TCF7L2: variants seen among roughly 807,000 people sequenced by gnomAD.
The protein encoded by TCF7L2 is transcription factor 7 like 2, also known as transcription factor 7-like 2.
Under a neutral mutation model 77.9 loss-of-function variants are expected in TCF7L2, and 23 were observed. The ratio of observed to expected loss-of-function variants is 0.30; its 90% CI spans 0.21 to 0.42. TCF7L2 has a LOEUF of 0.42. Among genes scored for constraint, TCF7L2 ranks in the 10% least tolerant of loss-of-function variants. The pLI is 1.00. For synonymous variants in TCF7L2, 413 were observed against 340.2 expected (o/e 1.21, Z -2.36); for missense variants, 654 against 793.1 (o/e 0.82, Z 2.11).
In TCF7L2 at chr10:113,144,088, CTGTGTG is replaced by C. The variant is rs746047660; in HGVS notation, c.788+69_788+74del. The C allele has an allele frequency of 2.0e-4, 257 of 1,261,904 alleles. 1 individual carries two copies. The highest frequency in any genetic ancestry group is 2.6e-4 in the Non-Finnish European group (235 of 899,026). The allele number at this position is 1,261,904 out of a possible 1,614,324, so 78.2% of individuals were successfully genotyped here. The stretch of plus-strand genomic sequence containing the variant: ...TACATGGGCATGTTTATTATTTATT[CTGTGTG>C]TGTGTCTGTGTGTGTGTGTGTGTGT... On this transcript the variant is annotated intron_variant, in intron 7 of 13. Transcript: ENST00000627217.
At chr10:112,969,689 C>T (rs1183876362) in intron 4 of TCF7L2, among the ~76,000 whole-genome samples, 1 of 152,148 alleles carries the variant, frequency 6.6e-6, no homozygotes, top group Middle Eastern at 3.2e-3. Flanking sequence ...TGCCCAAGCT[C>T]CGGTGCAGGC....
chr10:113,022,967 T>A (rs190768334), intron 4 of TCF7L2, among the ~76,000 whole-genome samples: 12 of 152,302 alleles, frequency 7.9e-5, no homozygotes, highest in Non-Finnish European at 1.5e-4. Context: ...TGATGGAACT[T>A]GGATTTGAAC....
At chr10:113,077,087 G>C (rs1168698137) in intron 5 of TCF7L2, among the ~76,000 whole-genome samples, 1 of 152,114 alleles carries the variant, frequency 6.6e-6, no homozygotes, top group Non-Finnish European at 1.5e-5. Flanking sequence ...TAAGACCTGT[G>C]GTCCCCTTCT....
At chr10:113,149,854 C>T (rs2137086985) in intron 8 of TCF7L2, among the ~76,000 whole-genome samples, 1 of 152,324 alleles carries the variant, frequency 6.6e-6, no homozygotes, top group Admixed American at 6.5e-5. Flanking sequence ...CAGGAGGCTG[C>T]CATATTGTTT....
chr10:113,166,823 T>C lies in TCF7L2; in HGVS notation c.*851T>C, dbSNP rs1264991528. On this transcript the variant is annotated 3_prime_UTR_variant, in exon 14 of 14. Coordinates refer to ENST00000627217, the MANE Select transcript of TCF7L2 (RefSeq NM_001146274.2). ...TATATTTTTGTTTCCCCTTTTTGAC[T>C]TTTTTTTTTCTGTATGAAACCCAGA... The C allele has an allele frequency of 1.4e-5, 3 of 215,692 alleles. No homozygotes were observed. The highest frequency in any genetic ancestry group is 6.9e-5 in the African/African-American group (3 of 43,774). The allele number at this position is 215,692 out of a possible 1,614,324, so 13.4% of individuals were successfully genotyped here.
intron 4 of TCF7L2, among the ~76,000 whole-genome samples, chr10:113,016,978 T>A (rs1001331125): frequency 1.3e-5 from 2 of 152,120 alleles, no homozygotes; most frequent in Admixed American, 6.5e-5. Flanking sequence ...GACCACTTCT[T>A]GAGGCTCATG....
chr10:113,142,546 CT>C (rs2068560532), intron 6 of TCF7L2, among the ~76,000 whole-genome samples: 2 of 152,324 alleles, frequency 1.3e-5, no homozygotes, highest in South Asian at 4.1e-4. Context: ...TTGCACATCA[CT>C]TTGTTAGAGG....
At chr10:113,158,214 C>A in intron 12 of TCF7L2, 145 bp downstream of exon 12, 1 of 777,398 alleles carries the variant, frequency 1.3e-6, no homozygotes, top group African/African-American at 1.8e-5. Flanking sequence ...TTTGTTTATG[C>A]ATTTTAATTA....
At chr10:113,089,955 T>C (rs528035986) in intron 5 of TCF7L2, among the ~76,000 whole-genome samples, 1 of 152,196 alleles carries the variant, frequency 6.6e-6, no homozygotes, top group Admixed American at 6.5e-5. Context: ...TTACTAGTAA[T>C]TTAGAACTTA....
chr10:113,129,870 C>T (rs1354800156), intron 5 of TCF7L2: 1 of 1,289,858 alleles, frequency 7.8e-7, no homozygotes, highest in Non-Finnish European at 1.0e-6. Flanking sequence ...CTGTTATGTA[C>T]CCTAGGGACA....
intron 5 of TCF7L2, among the ~76,000 whole-genome samples, chr10:113,072,442 C>T (rs1449876040): frequency 6.6e-6 from 1 of 152,104 alleles, no homozygotes; most frequent in African/African-American, 2.4e-5. Flanking sequence ...GCAACTTGCG[C>T]CTCCCGGGTT....
rs1478464843 is a variant in TCF7L2 at position 113,141,261 on chromosome 10, C to T, written c.630C>T (p.His210=). Reference sequence around the variant, plus strand: ...CTCTTATCACGTACAGCAATGAACACTTCACGCCGGGAAACCCACCTCCAC... The same window carrying T: ...CTCTTATCACGTACAGCAATGAACATTTCACGCCGGGAAACCCACCTCCAC... The change falls in exon 6 of 14, where the codon CAC becomes CAT. Residue 210 remains histidine, a synonymous_variant. Coordinates refer to ENST00000627217, the MANE Select transcript of TCF7L2 (RefSeq NM_001146274.2). The T allele has an allele frequency of 1.9e-6, 3 of 1,614,198 alleles. No individual in the cohort carries two copies. Among genetic ancestry groups the T allele is most frequent in the Admixed American group, 1.7e-5 (1 of 60,020 alleles).
intron 5 of TCF7L2, among the ~76,000 whole-genome samples, chr10:113,059,348 C>G (rs966355807): frequency 6.7e-6 from 1 of 150,292 alleles, no homozygotes; most frequent in African/African-American, 2.5e-5. Context: ...CCTCCCACCC[C>G]CCACCCTTTT....
chr10:113,122,271 G>T (rs2064932269), intron 5 of TCF7L2, among the ~76,000 whole-genome samples: 1 of 152,056 alleles, frequency 6.6e-6, no homozygotes, highest in African/African-American at 2.4e-5. Flanking sequence ...AGTTAATAGG[G>T]TTTATCTTTC....
intron 4 of TCF7L2, among the ~76,000 whole-genome samples, chr10:112,979,150 A>G (rs116741871): frequency 0.025 from 3,817 of 151,752 alleles, 70 homozygotes; most frequent in African/African-American, 0.034. Context: ...GGCCTTGGAG[A>G]CTTCGCCTGT....
chr10:112,993,724 G>C (rs1483264752), intron 4 of TCF7L2, among the ~76,000 whole-genome samples: 2 of 152,118 alleles, frequency 1.3e-5, no homozygotes, highest in Admixed American at 6.5e-5. Flanking sequence ...TGCCTCGCAA[G>C]CTGTCTTGGG....
intron 4 of TCF7L2, among the ~76,000 whole-genome samples, chr10:113,023,229 A>G: frequency 6.6e-6 from 1 of 152,140 alleles, no homozygotes; most frequent in South Asian, 2.1e-4. Context: ...CTGCAAAGTG[A>G]GTTGGGCTGA....
rs185303710 is a variant in TCF7L2, at chr10:112,950,299, T to G, written c.-458T>G. 534 of 230,546 alleles carry G rather than the reference T, an allele frequency of 2.3e-3. 11 individuals are homozygous for G. In the East Asian group the frequency reaches 0.029, roughly 12 times the overall value. The allele number at this position is 230,546 out of a possible 1,614,324, so 14.3% of individuals were successfully genotyped here. ...CCGTTCCTCCGGATTTCGATCCCCCTTTTTCTATCTGTCAATCAGCGCCGC... is the reference window on the plus strand; with the variant it reads ...CCGTTCCTCCGGATTTCGATCCCCCGTTTTCTATCTGTCAATCAGCGCCGC... On this transcript the variant is annotated 5_prime_UTR_variant, in exon 1 of 14. Coordinates refer to ENST00000627217, the MANE Select transcript of TCF7L2 (RefSeq NM_001146274.2).
chr10:113,097,667 A>C (rs1189830641), intron 5 of TCF7L2, among the ~76,000 whole-genome samples: 18 of 142,290 alleles, frequency 1.3e-4, no homozygotes, highest in African/African-American at 3.3e-4. Flanking sequence ...AAAAAAAAAA[A>C]AAAAAAACAA....
Sources: allele counts gnomAD v4.1 joint callset (sites outside exome capture counted in the v4.1 genomes callset), GRCh38; gene constraint gnomAD v4.1.1; transcripts MANE v1.5; gene names NCBI Gene and HGNC (gene_info 2026-07-23, HGNC 2026-07-21).